CTBP2: variants seen among roughly 807,000 people sequenced by gnomAD.
CTBP2 encodes C-terminal-binding protein 2.
Under a neutral mutation model 80.3 loss-of-function variants are expected in CTBP2, and 30 were observed. The observed-to-expected ratio is 0.37, with a 90% confidence interval of 0.28 to 0.51. The LOEUF (loss-of-function observed/expected upper bound fraction) is 0.51, where lower values mean the gene tolerates loss of function less well. Ranked by LOEUF, CTBP2 falls within the 20% of genes least tolerant of loss-of-function variation. The pLI, the probability that CTBP2 is intolerant of heterozygous loss-of-function variation, is 0.93. For synonymous variants in CTBP2, 594 were observed against 587.4 expected (o/e 1.01, Z -0.16); for missense variants, 1,212 against 1,375.3 (o/e 0.88, Z 1.88).
intron 1 of CTBP2, among the ~76,000 whole-genome samples, chr10:125,143,460 A>T (rs976746533): frequency 6.6e-6 from 1 of 152,236 alleles, no homozygotes; most frequent in Non-Finnish European, 1.5e-5. Flanking sequence ...CCTGGGCTAC[A>T]GAGTGAGCCT....
intron 2 of CTBP2, among the ~76,000 whole-genome samples, chr10:125,098,657 GGAGAGAGAGAGAGA>G (rs565818097): frequency 1.2e-3 from 56 of 44,982 alleles, no homozygotes; most frequent in South Asian, 5.5e-3. Flanking sequence ...TGGGGGAGGG[GGAGAGAGAGAGAGA>G]GAGAGAGAGA....
At chr10:125,039,236 AC>A in intron 2 of CTBP2, 81 bp from the exon 3 acceptor site, 1 of 542,048 alleles carries the variant, frequency 1.8e-6, no homozygotes, top group Non-Finnish European at 3.2e-6. Flanking sequence ...CTTAACTGCT[AC>A]TTTCTATAAG....
intron 1 of CTBP2, among the ~76,000 whole-genome samples, chr10:125,003,763 C>T (rs1954859396): frequency 6.6e-6 from 1 of 152,146 alleles, no homozygotes; most frequent in Non-Finnish European, 1.5e-5. Context: ...GACCATGGGG[C>T]CCCGAGGCCA....
At chr10:125,088,154 A>C (rs2135648307) in intron 2 of CTBP2, 1 of 152,386 alleles carries the variant, frequency 6.6e-6, no homozygotes, top group South Asian at 2.1e-4. Context: ...AAAAGATCAC[A>C]GGAGATCCTG....
intron 1 of CTBP2, among the ~76,000 whole-genome samples, chr10:125,020,983 G>A (rs1461701876): frequency 1.3e-5 from 2 of 152,212 alleles, no homozygotes; most frequent in Non-Finnish European, 2.9e-5. Context: ...GACCACAGCA[G>A]GGCCTTCTTC....
intron 1 of CTBP2, among the ~76,000 whole-genome samples, chr10:125,017,901 T>A (rs1257510182): frequency 1.3e-5 from 2 of 152,170 alleles, no homozygotes; most frequent in African/African-American, 4.8e-5. Context: ...CACCCCAGTG[T>A]TACCCATGGG....
intron 1 of CTBP2, among the ~76,000 whole-genome samples, chr10:125,113,287 T>C (rs904448511): frequency 2.0e-5 from 3 of 152,210 alleles, no homozygotes; most frequent in Non-Finnish European, 2.9e-5. Flanking sequence ...CAAACTCCTA[T>C]CCACCCTTCA....
At chr10:125,152,517 A>T (rs1445976577) in intron 1 of CTBP2, among the ~76,000 whole-genome samples, 2 of 152,242 alleles carry the variant, frequency 1.3e-5, no homozygotes, top group Non-Finnish European at 2.9e-5. Context: ...GGGGGAGGCA[A>T]TTCAATATTT....
Position 125,113,966 on chromosome 10 carries a change from C to CA in CTBP2, c.-205-2874dup, listed in dbSNP as rs536593199. Among the ~76,000 whole-genome samples the CA allele has an allele frequency of 6.6e-5, 10 of 152,226 alleles. No individual in the cohort carries two copies. In the South Asian group the frequency reaches 2.1e-3, roughly 32 times the overall value. On this transcript the variant is annotated intron_variant, in intron 1 of 10. Coordinates refer to the CTBP2 transcript ENST00000337195. ...CAAGTGCTCGTTGTTACTTGAAGGT[C>CA]AAAAGAAGTACTTTAAAAAGACTGG...
chr10:125,161,187 G>A (rs1183239209), upstream of CTBP2: 2 of 151,990 alleles, frequency 1.3e-5, no homozygotes, highest in African/African-American at 4.8e-5. Flanking sequence ...GGGATTAGTG[G>A]CTCCGCGAAA....
rs754912932 is a variant in CTBP2 at position 125,006,100 on chromosome 10, G to A, written c.1679-2608C>T. On this transcript the variant is annotated intron_variant, in intron 1 of 8. Coordinates refer to ENST00000309035, the MANE Select transcript of CTBP2 (RefSeq NM_022802.3). ...TTGCCTAGCGATCGGCTCCCTCCCC[G>A]ACACGGGTTGCCTTTCTCCTTGGTG... 4.7e-5 allele frequency: 46 copies of A among 987,296 alleles called. No homozygotes were observed. In the East Asian group the frequency reaches 8.0e-4, roughly 17 times the overall value. The allele number at this position is 987,296 out of a possible 1,614,324, so 61.2% of individuals were successfully genotyped here. A position where few individuals can be genotyped will look rare whatever the true frequency, so the allele number is the denominator to read the frequency against.
rs201176549 is a variant in CTBP2 at position 125,010,127 on chromosome 10, C to CA, written c.1679-6636dup. Among the ~76,000 whole-genome samples, 902 of 148,414 alleles carry CA rather than the reference C, an allele frequency of 6.1e-3. 6 individuals carry two copies. The highest frequency in any genetic ancestry group is 0.01 in the Non-Finnish European group (708 of 67,756). On this transcript the variant is annotated intron_variant, in intron 1 of 8. Transcript: ENST00000309035. Reference sequence around the variant, plus strand: ...CCTTTCACGAGAAGGACCACAGGAGCAGGGTGCTGATGAGCGGGTGGCTCC... The same window carrying CA: ...CCTTTCACGAGAAGGACCACAGGAGCAAGGGTGCTGATGAGCGGGTGGCTCC...
At chr10:125,152,047 CGGA>C (rs1214488639) in intron 1 of CTBP2, among the ~76,000 whole-genome samples, 3 of 150,894 alleles carry the variant, frequency 2.0e-5, no homozygotes, top group African/African-American at 7.3e-5. Context: ...CCGCGGCCCG[CGGA>C]GGGGCCAGGG....
chr10:125,074,647 C>T (rs1846017978), intron 2 of CTBP2, among the ~76,000 whole-genome samples: 1 of 152,228 alleles, frequency 6.6e-6, no homozygotes, highest in African/African-American at 2.4e-5. Flanking sequence ...GCCTGGCGAA[C>T]ACTGTCCTTT....
rs544582203 is a variant in CTBP2 at position 124,990,353 on chromosome 10, A to G, written c.2778-655T>C. 4.4e-3 allele frequency among the ~76,000 whole-genome samples: 664 copies of G among 152,276 alleles called. 3 individuals carry two copies. The highest frequency in any genetic ancestry group is 0.01 in the Middle Eastern group (3 of 294). On this transcript the variant is annotated intron_variant, in intron 8 of 8. Coordinates refer to ENST00000309035, the MANE Select transcript of CTBP2 (RefSeq NM_022802.3). ...CCACCATGCCCGGCCCTGGCTAACG[A>G]TTTTTATGGGATAGTTTATCTTCCC...
chr10:125,009,079 G>A (rs1357788707), intron 1 of CTBP2, among the ~76,000 whole-genome samples: 1 of 152,202 alleles, frequency 6.6e-6, no homozygotes, highest in Non-Finnish European at 1.5e-5. Flanking sequence ...TGGACACAGC[G>A]GTAGGGTGGA....
intron 1 of CTBP2, among the ~76,000 whole-genome samples, chr10:125,150,631 GTGACTAAC>G (rs1162201124): frequency 2.6e-5 from 4 of 151,754 alleles, no homozygotes; most frequent in Non-Finnish European, 4.4e-5. Context: ...TGGTAAAACA[GTGACTAAC>G]TATCACCTGT....
chr10:125,079,381 T>C (rs748430151), intron 2 of CTBP2, among the ~76,000 whole-genome samples: 1 of 152,040 alleles, frequency 6.6e-6, no homozygotes, highest in Non-Finnish European at 1.5e-5. Flanking sequence ...CTACAGAATA[T>C]TCACCACCGG....
intron 1 of CTBP2, among the ~76,000 whole-genome samples, chr10:125,004,280 T>C (rs962146345): frequency 1.3e-5 from 2 of 152,156 alleles, no homozygotes; most frequent in Admixed American, 1.3e-4. Context: ...AGGCCTTACC[T>C]GCCACACTAC....
Sources: allele counts gnomAD v4.1 joint callset (sites outside exome capture counted in the v4.1 genomes callset), GRCh38; gene constraint gnomAD v4.1.1; transcripts MANE v1.5; gene names NCBI Gene and HGNC (gene_info 2026-07-23, HGNC 2026-07-21).